Variants in MICAL3 observed in about 807,000 individuals in gnomAD.
MICAL3 encodes [F-actin]-monooxygenase MICAL3.
A neutral mutation model predicts 207.4 loss-of-function variants in MICAL3; 62 were observed. The observed-to-expected ratio is 0.30, with a 90% CI of 0.24 to 0.37. The LOEUF is 0.37. Among genes scored for constraint, MICAL3 ranks in the 10% least tolerant of loss-of-function variants. The pLI is 1.00. For missense variants in MICAL3, 2,368 were observed against 2,635.6 expected, an observed-to-expected ratio of 0.90 and a Z score of 2.22; for synonymous variants, 1,077 against 1,069.3, an observed-to-expected ratio of 1.01 and a Z score of -0.14.
intron 1 of MICAL3, among the ~76,000 whole-genome samples, chr22:17,932,923 A>C (rs999672985): frequency 6.6e-6 from 1 of 152,248 alleles, no homozygotes; most frequent in African/African-American, 2.4e-5. Flanking sequence ...AGAGTTAACT[A>C]TCCTAAATAT....
chr22:17,808,818 G>C (rs1251789490), intron 29 of MICAL3, 26 bp downstream of exon 29: 1 of 1,540,932 alleles, frequency 6.5e-7, no homozygotes, highest in East Asian at 2.4e-5. Flanking sequence ...TCCAGGAGCA[G>C]AGCTTAGGAG....
intron 12 of MICAL3, among the ~76,000 whole-genome samples, chr22:17,890,855 A>G (rs996428945): frequency 1.3e-5 from 2 of 152,216 alleles, no homozygotes; most frequent in African/African-American, 4.8e-5. Flanking sequence ...TGGTCCCCGC[A>G]GCTGACCTGG....
At chr22:17,934,664 A>T (rs1040329111) in intron 1 of MICAL3, among the ~76,000 whole-genome samples, 6 of 152,190 alleles carry the variant, frequency 3.9e-5, no homozygotes, top group African/African-American at 1.2e-4. Context: ...GAGGAAGTCA[A>T]ATTGTCCCCG....
chr22:17,946,156 G>A (rs1166714529), intron 1 of MICAL3, among the ~76,000 whole-genome samples: 3 of 152,170 alleles, frequency 2.0e-5, no homozygotes, highest in Non-Finnish European at 2.9e-5. Flanking sequence ...GCTGTCTCAG[G>A]GAACAGAGAC....
At chr22:17,825,469 G>A (rs533510151) in intron 22 of MICAL3, among the ~76,000 whole-genome samples, 5 of 147,206 alleles carry the variant, frequency 3.4e-5, no homozygotes, top group Non-Finnish European at 7.4e-5. Context: ...CCAGCTGGGA[G>A]GCTCTTGCCC....
At chr22:17,985,213 G>C (rs1936098632) in intron 1 of MICAL3, among the ~76,000 whole-genome samples, 1 of 152,184 alleles carries the variant, frequency 6.6e-6, no homozygotes, top group Admixed American at 6.5e-5. Flanking sequence ...ACGGGAGGAA[G>C]GTCCGGCCAG....
chr22:17,801,848 C>T (rs889219143), intron 29 of MICAL3, among the ~76,000 whole-genome samples: 18 of 151,952 alleles, frequency 1.2e-4, no homozygotes, highest in Admixed American at 5.9e-4. Context: ...GAGCCAAAAT[C>T]GCGCCACTGC....
intron 20 of MICAL3, among the ~76,000 whole-genome samples, chr22:17,833,667 C>T (rs957052042): frequency 3.3e-5 from 5 of 152,194 alleles, no homozygotes; most frequent in African/African-American, 9.7e-5. Context: ...CCGGAGACCC[C>T]GGTTCATGTT....
Position 17,836,123 on chromosome 22 carries a change from G to A in MICAL3, c.2802-4016C>T, listed in dbSNP as rs114694984. On this transcript the variant is annotated intron_variant, in intron 20 of 31. Coordinates refer to ENST00000441493, the MANE Select transcript of MICAL3 (RefSeq NM_015241.3). ...CCAGCTGTCTTCTCACTGAGACACT[G>A]GCAGACCTAGCATGGGAAAGAAATC... Among the ~76,000 whole-genome samples, 212 of 152,332 alleles carry A rather than the reference G, an allele frequency of 1.4e-3. 1 individual carries two copies. Among genetic ancestry groups the A allele is most frequent in the African/African-American group, 4.9e-3 (204 of 41,560 alleles).
At chr22:17,801,343 C>T (rs1273869401) in intron 29 of MICAL3, among the ~76,000 whole-genome samples, 1 of 89,926 alleles carries the variant, frequency 1.1e-5, no homozygotes, top group East Asian at 3.1e-4. Context: ...TTAGTAGAGA[C>T]GGGGTTTCAC....
At chr22:17,854,671 G>C (rs114416598) in intron 19 of MICAL3, among the ~76,000 whole-genome samples, 13 of 152,210 alleles carry the variant, frequency 8.5e-5, no homozygotes, top group African/African-American at 3.1e-4. Flanking sequence ...GTCTCATGAC[G>C]CGACTCTACT....
intron 1 of MICAL3, among the ~76,000 whole-genome samples, chr22:18,002,095 G>A (rs1392320853): frequency 6.6e-6 from 1 of 152,210 alleles, no homozygotes; most frequent in Non-Finnish European, 1.5e-5. Flanking sequence ...CTACTCTGGA[G>A]GCTGAGGCAG....
chr22:17,909,181 C>T (rs1217619403), intron 1 of MICAL3, among the ~76,000 whole-genome samples: 1 of 152,180 alleles, frequency 6.6e-6, no homozygotes, highest in Non-Finnish European at 1.5e-5. Context: ...GGCTTTTCGC[C>T]TCAAATATAT....
At position 17,793,281 on chromosome 22, in the gene MICAL3, G is replaced by C. The variant is rs947149531; in HGVS notation, c.5651-1980C>G. 3.9e-5 allele frequency among the ~76,000 whole-genome samples: 6 copies of C among 152,316 alleles called. No homozygotes were observed. The highest frequency in any genetic ancestry group is 2.1e-4 in the South Asian group (1 of 4,830). On this transcript the variant is annotated intron_variant, in intron 29 of 31. Transcript: ENST00000441493. The surrounding 1 kb of genome is among the most constrained non-coding windows in gnomAD (Gnocchi z 4.1). ...AACACGCACACTCAGCAAGACACGA[G>C]GTAGAGAGGTTTGCTTTCAGTGGTT...
At chr22:17,872,446 G>A (rs1432027833) in intron 16 of MICAL3, among the ~76,000 whole-genome samples, 3 of 152,310 alleles carry the variant, frequency 2.0e-5, no homozygotes, top group Non-Finnish European at 2.9e-5. Context: ...CATGGAAGAA[G>A]GCAGGAAGGG....
chr22:17,835,843 T>G (rs1216333865), intron 20 of MICAL3, among the ~76,000 whole-genome samples: 1 of 152,172 alleles, frequency 6.6e-6, no homozygotes, highest in African/African-American at 2.4e-5. Flanking sequence ...CAAGGGCAGG[T>G]GCCGGGTCAC....
At chr22:17,825,671 C>T (rs1021801346) in intron 22 of MICAL3, among the ~76,000 whole-genome samples, 4 of 152,164 alleles carry the variant, frequency 2.6e-5, no homozygotes, top group African/African-American at 7.2e-5. Context: ...GTGCTGTTGG[C>T]GATAACACTG....
chr22:17,947,341 A>C (rs1934122927), intron 1 of MICAL3, among the ~76,000 whole-genome samples: 1 of 152,210 alleles, frequency 6.6e-6, no homozygotes, highest in South Asian at 2.1e-4. Context: ...TAACTGGGAC[A>C]AGGAAATCCC....
intron 1 of MICAL3, among the ~76,000 whole-genome samples, chr22:18,014,643 C>T (rs1018102426): frequency 6.6e-6 from 1 of 152,184 alleles, no homozygotes; most frequent in Non-Finnish European, 1.5e-5. Context: ...GGAAAAAGTC[C>T]CCAAAGATAT....
Sources: allele counts gnomAD v4.1 joint callset (sites outside exome capture counted in the v4.1 genomes callset), GRCh38; gene constraint gnomAD v4.1.1; non-coding constraint Gnocchi (gnomAD v3.1); transcripts MANE v1.5; gene names NCBI Gene and HGNC (gene_info 2026-07-23, HGNC 2026-07-21).